The following RANBP2 variants were observed in gnomAD, a reference collection of about 807,000 sequenced individuals.
RANBP2 encodes RAN binding protein 2, also known as E3 SUMO-protein ligase RanBP2.
RANBP2 carries 57 observed loss-of-function variants against 303.6 expected under a neutral mutation model. The observed-to-expected ratio is 0.19, with a 90% CI of 0.15 to 0.23. The LOEUF (loss-of-function observed/expected upper bound fraction) is 0.23, where lower values mean the gene tolerates loss of function less well. RANBP2 is among the 10% of genes least tolerant of loss of function. RANBP2 has a pLI of 1.00. For missense variants in RANBP2, 3,138 were observed against 3,780.8 expected (o/e 0.83, Z 4.46); for synonymous variants, 1,167 against 1,301.5 (o/e 0.90, Z 2.23).
At chr2:108,953,918 T>A in the RANBP2 span, among the ~76,000 whole-genome samples, 1 of 152,324 alleles carries the variant, frequency 6.6e-6, no homozygotes, top group East Asian at 1.9e-4. Flanking sequence ...TTTGAAATAA[T>A]GTTTTTCTAC....
the RANBP2 span, among the ~76,000 whole-genome samples, chr2:109,126,385 C>T: frequency 6.6e-6 from 1 of 152,308 alleles, no homozygotes; most frequent in Admixed American, 6.5e-5. Context: ...GAGCTTCTGG[C>T]ACGGGCATCT....
the RANBP2 span, among the ~76,000 whole-genome samples, chr2:109,527,399 C>T: frequency 2.0e-5 from 3 of 152,112 alleles, no homozygotes; most frequent in Non-Finnish European, 4.4e-5. Context: ...GTTTGAGTAA[C>T]ATAAGAAACA....
the RANBP2 span, among the ~76,000 whole-genome samples, chr2:108,935,145 C>T: frequency 6.6e-6 from 1 of 152,206 alleles, no homozygotes; most frequent in Non-Finnish European, 1.5e-5. Flanking sequence ...CCACTCCTGC[C>T]TGAATTAACA....
the RANBP2 span, among the ~76,000 whole-genome samples, chr2:109,728,045 C>T: frequency 6.6e-6 from 1 of 152,166 alleles, no homozygotes; most frequent in Non-Finnish European, 1.5e-5. Context: ...CATGAACCTA[C>T]CATGCGAGTA....
the RANBP2 span, among the ~76,000 whole-genome samples, chr2:109,421,049 T>C: frequency 2.0e-5 from 3 of 152,324 alleles, no homozygotes; most frequent in South Asian, 6.2e-4. Flanking sequence ...TACCTCCATC[T>C]CCTGCCATGC....
the RANBP2 span, among the ~76,000 whole-genome samples, chr2:109,736,294 G>A: frequency 6.6e-6 from 1 of 151,954 alleles, no homozygotes; most frequent in Non-Finnish European, 1.5e-5. Flanking sequence ...AAATCCAGTC[G>A]TGGCCCAAGT....
the RANBP2 span, among the ~76,000 whole-genome samples, chr2:109,148,541 A>G: frequency 2.6e-5 from 4 of 152,226 alleles, no homozygotes. Flanking sequence ...GGGGAATATT[A>G]CTGCTGACTG....
the RANBP2 span, among the ~76,000 whole-genome samples, chr2:109,581,667 A>G: frequency 1.3e-5 from 2 of 152,178 alleles, no homozygotes; most frequent in African/African-American, 4.8e-5. Flanking sequence ...ATACTGCTTC[A>G]TTAATTGATA....
the RANBP2 span, among the ~76,000 whole-genome samples, chr2:109,552,146 A>C: frequency 6.6e-6 from 1 of 152,190 alleles, no homozygotes; most frequent in African/African-American, 2.4e-5. Context: ...CCTTGTGAGA[A>C]TCTAATGCCT....
the RANBP2 span, chr2:109,615,707 G>C: frequency 1.2e-6 from 2 of 1,613,658 alleles, no homozygotes; most frequent in Non-Finnish European, 1.7e-6. Context: ...AAAGCGCCGC[G>C]GGTAGCGGCG....
At chr2:109,569,101 A>C in the RANBP2 span, among the ~76,000 whole-genome samples, 1 of 152,186 alleles carries the variant, frequency 6.6e-6, no homozygotes, top group Non-Finnish European at 1.5e-5. Flanking sequence ...ATATGTATCA[A>C]GACAGTAAAA....
At chr2:108,839,376 CTGTTTTG>C in the RANBP2 span, 3 of 1,258,982 alleles carry the variant, frequency 2.4e-6, no homozygotes, top group Non-Finnish European at 3.3e-6. Flanking sequence ...TTCACAATAT[CTGTTTTG>C]AATATATTCT....
chr2:108,929,529 AC>A, the RANBP2 span: 16 of 810,818 alleles, frequency 2.0e-5, no homozygotes, highest in Admixed American at 1.4e-4. Context: ...TAACTGCAAA[AC>A]CCCCCAGGAA....
the RANBP2 span, among the ~76,000 whole-genome samples, chr2:109,515,727 G>GT: frequency 6.6e-6 from 1 of 152,204 alleles, no homozygotes; most frequent in Non-Finnish European, 1.5e-5. Context: ...TCTGCAGGTT[G>GT]TACAGGAAGC....
chr2:109,340,061 G>A, the RANBP2 span, among the ~76,000 whole-genome samples: 2 of 152,188 alleles, frequency 1.3e-5, no homozygotes, highest in Admixed American at 6.5e-5. Flanking sequence ...CAGGAGTCCT[G>A]TGAGCAGTAA....
chr2:109,267,967 G>C, the RANBP2 span, among the ~76,000 whole-genome samples: 220 of 151,990 alleles, frequency 1.4e-3, 3 homozygotes, highest in Non-Finnish European at 3.7e-4. Flanking sequence ...CCAGCTCTCA[G>C]CCCTGCTGCA....
chr2:108,804,456 A>G, the RANBP2 span, among the ~76,000 whole-genome samples: 1 of 152,202 alleles, frequency 6.6e-6, no homozygotes, highest in East Asian at 1.9e-4. Flanking sequence ...AGTTGGTTTT[A>G]TGAAAGATTT....
chr2:109,635,781 C>A, the RANBP2 span, among the ~76,000 whole-genome samples: 3 of 152,214 alleles, frequency 2.0e-5, no homozygotes, highest in African/African-American at 7.2e-5. Context: ...AGATGCCATG[C>A]ACTTTCCCGG....
At chr2:109,592,842 T>C in the RANBP2 span, among the ~76,000 whole-genome samples, 1 of 152,062 alleles carries the variant, frequency 6.6e-6, no homozygotes, top group Admixed American at 6.6e-5. Context: ...CAGAATATTG[T>C]GGATACTCAA....
Sources: allele counts gnomAD v4.1 joint callset (sites outside exome capture counted in the v4.1 genomes callset), GRCh38; gene constraint gnomAD v4.1.1; transcripts MANE v1.5; gene names NCBI Gene and HGNC (gene_info 2026-07-23, HGNC 2026-07-21).